Variants in FDCSP observed in about 807,000 individuals in gnomAD.
FDCSP encodes the protein follicular dendritic cell secreted peptide.
FDCSP carries 8 observed loss-of-function variants against 8.9 expected under a neutral mutation model. The ratio of observed to expected loss-of-function variants is 0.90; its 90% confidence interval spans 0.53 to 1.63. The LOEUF (loss-of-function observed/expected upper bound fraction) is 1.63. Ranked by LOEUF, FDCSP falls within the 40% of genes most tolerant of loss-of-function variation. The probability of loss-of-function intolerance (pLI) is 0.00; values close to 1 mark genes in which losing one functional copy is unlikely to be tolerated. For synonymous variants in FDCSP, 34 were observed against 34.5 expected (o/e 0.98, Z 0.06); for missense variants, 101 against 103.6 (o/e 0.98, Z 0.11).
At chr4:70,231,660 A>G (rs1560492429) in intron 2 of FDCSP, among the ~76,000 whole-genome samples, 1 of 151,676 alleles carries the variant, frequency 6.6e-6, no homozygotes, top group African/African-American at 2.4e-5. Flanking sequence ...ATAAACAACT[A>G]TGTTACTGGT....
At chr4:70,227,177 A>G (rs1306301666) in intron 1 of FDCSP, among the ~76,000 whole-genome samples, 1 of 151,698 alleles carries the variant, frequency 6.6e-6, no homozygotes, top group Non-Finnish European at 1.5e-5. Context: ...TTGCACATAG[A>G]AAGTGGACTA....
In FDCSP at chr4:70,233,026, T is replaced by G; in HGVS notation, c.90T>G (p.Ser30Arg). The G allele has an allele frequency of 6.3e-7, 1 of 1,594,886 alleles. No individual in the cohort carries two copies. The highest frequency in any genetic ancestry group is 1.4e-5 in the African/African-American group (1 of 73,752). ...VSQDQEREKR[S>R]ISDSDELASG... Reference sequence around the variant, plus strand: ...AAGACCAGGAACGAGAAAAAAGAAGTGTAAGTTACCTTTTCTCTTTTTTAC... The same window carrying G: ...AAGACCAGGAACGAGAAAAAAGAAGGGTAAGTTACCTTTTCTCTTTTTTAC... The change falls in exon 3 of 5, where the codon AGT becomes AGG. Residue 30 changes from serine (S) to arginine (R), a missense_variant and splice_region_variant. By Grantham distance (110) the Ser-to-Arg change is moderately radical. Transcript: ENST00000317987.
chr4:70,226,435 T>C (rs182896096), intron 1 of FDCSP, among the ~76,000 whole-genome samples: 34 of 151,912 alleles, frequency 2.2e-4, no homozygotes, highest in Non-Finnish European at 4.6e-4. Flanking sequence ...CATAAATGAA[T>C]CTTTCTAGGA....
chr4:70,234,102 T>A lies in FDCSP; in HGVS notation c.173T>A (p.Phe58Tyr). ...YPFRPLPPIP[F>Y]PRFPWFRRNF... is the part of the protein sequence containing the mutation. Reference sequence around the variant, plus strand: ...TTTCGCCCACTTCCACCAATTCCATTTCCAAGATTTCCATGGTTTAGACGT... The same window carrying A: ...TTTCGCCCACTTCCACCAATTCCATATCCAAGATTTCCATGGTTTAGACGT... The change falls in exon 4 of 5, where the codon TTT becomes TAT. Residue 58 changes from phenylalanine to tyrosine, a missense_variant. Phe to Tyr is a conservative substitution (Grantham distance 22). Transcript: ENST00000317987. 1 of 1,611,512 alleles carries A rather than the reference T, an allele frequency of 6.2e-7. No individual in the cohort carries two copies. The highest frequency in any genetic ancestry group is 8.5e-7 in the Non-Finnish European group (1 of 1,178,354).
intron 2 of FDCSP, among the ~76,000 whole-genome samples, chr4:70,232,357 G>T (rs1381687428): frequency 6.6e-6 from 1 of 151,506 alleles, no homozygotes; most frequent in Non-Finnish European, 1.5e-5. Flanking sequence ...GTTTAGCTAT[G>T]TCTTAGATAT....
At position 70,226,153 on chromosome 4, in the gene FDCSP, A is replaced by G. The variant is rs1209880092; in HGVS notation, c.-30A>G. 6.6e-6 allele frequency: 1 copy of G among 151,926 alleles called. No homozygotes were observed. Among genetic ancestry groups the G allele is most frequent in the East Asian group, 1.9e-4 (1 of 5,170 alleles). The allele number at this position is 151,926 out of a possible 1,614,324, so 9.4% of individuals were successfully genotyped here. A position where few individuals can be genotyped will look rare whatever the true frequency, so the allele number is the denominator to read the frequency against. On this transcript the variant is annotated 5_prime_UTR_variant, in exon 1 of 5. Transcript: ENST00000317987. The stretch of plus-strand genomic sequence containing the variant: ...ACTTGCCATTTCTCATAACAGCGTC[A>G]GAGAGAAAGAACTGACTGAAACGTT...
intron 1 of FDCSP, among the ~76,000 whole-genome samples, chr4:70,228,543 T>A (rs1165948224): frequency 6.6e-6 from 1 of 151,784 alleles, no homozygotes; most frequent in Admixed American, 6.6e-5. Flanking sequence ...GAGTGGTGTA[T>A]ATTTTACAGA....
chr4:70,232,332 C>T (rs886269734), intron 2 of FDCSP, among the ~76,000 whole-genome samples: 2 of 151,554 alleles, frequency 1.3e-5, no homozygotes, highest in Non-Finnish European at 3.0e-5. Flanking sequence ...GTATTTTTTA[C>T]TGTACCTTTT....
chr4:70,229,829 A>G (rs929614992), intron 1 of FDCSP, among the ~76,000 whole-genome samples: 1 of 151,738 alleles, frequency 6.6e-6, no homozygotes, highest in Non-Finnish European at 1.5e-5. Flanking sequence ...AAAAGATATA[A>G]TAAAATATTA....
Position 70,228,279 on chromosome 4 carries a change from C to T in FDCSP, c.-1+2097C>T, listed in dbSNP as rs188502514. On this transcript the variant is annotated intron_variant, in intron 1 of 4. Coordinates refer to ENST00000317987, the MANE Select transcript of FDCSP (RefSeq NM_152997.4). ...CCATCTCAAGAAACCACTTTCTTTG[C>T]TCATCCATAAGAAGCCATTTTTCAT... Among the ~76,000 whole-genome samples the T allele has an allele frequency of 2.4e-4, 37 of 151,922 alleles. 1 individual carries two copies. The East Asian group carries it at 7.0e-3, about 29-fold the overall frequency.
At chr4:70,232,595 T>C (rs1421673859) in intron 2 of FDCSP, among the ~76,000 whole-genome samples, 3 of 151,646 alleles carry the variant, frequency 2.0e-5, no homozygotes, top group Admixed American at 6.6e-5. Flanking sequence ...AGGCAATGCA[T>C]GACTCTATAT....
intron 1 of FDCSP, among the ~76,000 whole-genome samples, chr4:70,228,929 G>A (rs552020134): frequency 6.6e-6 from 1 of 151,726 alleles, no homozygotes; most frequent in Non-Finnish European, 1.5e-5. Context: ...AGGGCACTAC[G>A]ATTTTCTAAA....
chr4:70,228,850 T>A (rs141566374), intron 1 of FDCSP, among the ~76,000 whole-genome samples: 1 of 151,802 alleles, frequency 6.6e-6, no homozygotes, highest in Non-Finnish European at 1.5e-5. Flanking sequence ...CTGTGTTAGA[T>A]GTACTGCCAT....
At chr4:70,226,722 T>C (rs554090692) in intron 1 of FDCSP, among the ~76,000 whole-genome samples, 26 of 152,042 alleles carry the variant, frequency 1.7e-4, no homozygotes, top group African/African-American at 6.3e-4. Context: ...TCTAGGAAGA[T>C]GCATCTGATT....
rs201662708 is a variant in FDCSP, at chr4:70,234,226, A to G, written c.*28+11A>G. 5.9e-6 allele frequency: 9 copies of G among 1,531,124 alleles called. No individual in the cohort carries two copies. The East Asian group carries it at 1.9e-4, about 32-fold the overall frequency. 94.8% of individuals were successfully genotyped at this position (1,531,124 alleles called of 1,614,324 possible). On this transcript the variant is annotated intron_variant, in intron 4 of 4. Coordinates refer to ENST00000317987, the MANE Select transcript of FDCSP (RefSeq NM_152997.4). ...GTCACGATAAACCTGGTAAGTACAC[A>G]TAGTTACAATCATAGTTTATTTTAA... is the stretch of plus-strand genomic sequence containing the variant.
At chr4:70,232,213 CACTT>C (rs900229401) in intron 2 of FDCSP, among the ~76,000 whole-genome samples, 12 of 151,546 alleles carry the variant, frequency 7.9e-5, no homozygotes, top group Admixed American at 2.0e-4. Context: ...TACAATAACT[CACTT>C]ACTAACTCAC....
chr4:70,229,761 C>T (rs974725819), intron 1 of FDCSP, among the ~76,000 whole-genome samples: 1 of 151,498 alleles, frequency 6.6e-6, no homozygotes, highest in Admixed American at 6.6e-5. Context: ...TCCCATAACA[C>T]CCCCAAATAA....
intron 2 of FDCSP, 32 bp from the exon 3 acceptor site, chr4:70,232,962 G>A (rs539651408): frequency 3.2e-6 from 5 of 1,565,986 alleles, no homozygotes; most frequent in African/African-American, 2.8e-5. Flanking sequence ...TCATGAGCAT[G>A]AGTTTAATTA....
chr4:70,232,929 T>G (rs1180895497), intron 2 of FDCSP, 65 bp from the exon 3 acceptor site: 1 of 1,260,428 alleles, frequency 7.9e-7, no homozygotes, highest in Non-Finnish European at 1.1e-6. Context: ...GTCATGCATA[T>G]GTATATATTT....
Sources: allele counts gnomAD v4.1 joint callset (sites outside exome capture counted in the v4.1 genomes callset), GRCh38; gene constraint gnomAD v4.1.1; transcripts MANE v1.5; gene names NCBI Gene and HGNC (gene_info 2026-07-23, HGNC 2026-07-21).